CCDC91: variants seen among roughly 807,000 people sequenced by gnomAD.
CCDC91 encodes the protein coiled-coil domain containing 91, also known as coiled-coil domain-containing protein 91.
In CCDC91, 48 loss-of-function variants were observed where a neutral mutation model predicts 63.2. The observed-to-expected ratio is 0.76, with a 90% CI of 0.60 to 0.97. The LOEUF is 0.97. Ranked by LOEUF, CCDC91 falls within the 50% of genes least tolerant of loss-of-function variation. CCDC91 has a pLI of 0.00. For missense variants in CCDC91, 500 were observed against 494.6 expected (o/e 1.01, Z -0.10); for synonymous variants, 167 against 165.8 (o/e 1.01, Z -0.06).
At chr12:28,360,562 A>G (rs766798169) in intron 6 of CCDC91, among the ~76,000 whole-genome samples, 5 of 152,230 alleles carry the variant, frequency 3.3e-5, no homozygotes, top group African/African-American at 4.8e-5. Flanking sequence ...GTTCATCACT[A>G]CAACCAACCT....
chr12:28,406,293 AT>A (rs1164904213), intron 8 of CCDC91, among the ~76,000 whole-genome samples: 2 of 151,216 alleles, frequency 1.3e-5, no homozygotes, highest in South Asian at 2.1e-4. Flanking sequence ...AAAAAAAAAA[AT>A]CCCTCAATTT....
intron 12 of CCDC91, among the ~76,000 whole-genome samples, chr12:28,516,495 C>T (rs1466747803): frequency 1.3e-5 from 2 of 151,724 alleles, no homozygotes; most frequent in South Asian, 2.1e-4. Context: ...CCCAGCTACT[C>T]GATAGGCTGA....
intron 12 of CCDC91, among the ~76,000 whole-genome samples, chr12:28,520,926 T>A (rs1317850970): frequency 6.6e-6 from 1 of 152,164 alleles, no homozygotes; most frequent in African/African-American, 2.4e-5. Context: ...GTTGCATTGG[T>A]CTATATCTCT....
intron 10 of CCDC91, 152 bp from the exon 11 acceptor site, chr12:28,452,326 T>C (rs1224661582): frequency 4.8e-6 from 2 of 420,330 alleles, no homozygotes; most frequent in Admixed American, 8.6e-5. Context: ...GATTTTATTT[T>C]GTAGCAGTTA....
intron 11 of CCDC91, among the ~76,000 whole-genome samples, chr12:28,475,021 A>G (rs1265706719): frequency 6.6e-6 from 1 of 152,100 alleles, no homozygotes; most frequent in Non-Finnish European, 1.5e-5. Context: ...CATTATTGAT[A>G]ATATTCTACT....
intron 11 of CCDC91, among the ~76,000 whole-genome samples, chr12:28,455,947 A>C (rs1255031976): frequency 6.6e-6 from 1 of 152,094 alleles, no homozygotes; most frequent in Non-Finnish European, 1.5e-5. Context: ...TTTTTAGAGG[A>C]GTCAACAGTC....
At chr12:28,502,048 T>C (rs1428119183) in intron 12 of CCDC91, among the ~76,000 whole-genome samples, 1 of 152,018 alleles carries the variant, frequency 6.6e-6, no homozygotes, top group Admixed American at 6.6e-5. Context: ...GGATTGGTGG[T>C]GATATCCCCT....
intron 6 of CCDC91, among the ~76,000 whole-genome samples, chr12:28,311,556 G>A (rs1353003001): frequency 2.6e-5 from 4 of 151,950 alleles, no homozygotes; most frequent in Non-Finnish European, 4.4e-5. Context: ...GGCGAAACTT[G>A]GAAATAAGGA....
At chr12:28,259,292 G>A (rs755331491) in intron 2 of CCDC91, 72 bp from the exon 3 acceptor site, 34 of 1,090,448 alleles carry the variant, frequency 3.1e-5, no homozygotes, top group Non-Finnish European at 4.4e-5. Context: ...CTATTGAACT[G>A]GAATGCTTGA....
intron 6 of CCDC91, among the ~76,000 whole-genome samples, chr12:28,322,851 G>T (rs1565795482): frequency 6.6e-6 from 1 of 151,356 alleles, no homozygotes; most frequent in African/African-American, 2.4e-5. Flanking sequence ...CTTGCCTACT[G>T]GGTATTGCCA....
At chr12:28,234,256 G>C (rs549682984) in intron 1 of CCDC91, among the ~76,000 whole-genome samples, 60 of 152,122 alleles carry the variant, frequency 3.9e-4, no homozygotes, top group African/African-American at 1.4e-3. Context: ...TATGAACACA[G>C]GTCTCCTTAT....
intron 3 of CCDC91, among the ~76,000 whole-genome samples, chr12:28,272,585 C>T (rs184718875): frequency 3.9e-5 from 6 of 151,972 alleles, no homozygotes; most frequent in Non-Finnish European, 5.9e-5. Context: ...TTTATAATTT[C>T]AATTTTCTTT....
At chr12:28,404,021 G>C (rs1946785752) in intron 8 of CCDC91, among the ~76,000 whole-genome samples, 1 of 151,576 alleles carries the variant, frequency 6.6e-6, no homozygotes, top group South Asian at 2.1e-4. Flanking sequence ...TAATTTCATT[G>C]ATTTCTGCTT....
In CCDC91 at chr12:28,264,744, G is replaced by GTATTT. The variant is rs202005418; in HGVS notation, c.109+5314_109+5318dup. On this transcript the variant is annotated intron_variant, in intron 3 of 12. Transcript: ENST00000536442. ...TAGTCTTAGTTTGGTATTACTACAT[G>GTATTT]TATTTTATTTTATTTTCTCATTGTA... 4.6e-3 allele frequency among the ~76,000 whole-genome samples: 692 copies of GTATTT among 151,822 alleles called. 8 individuals carry two copies. Among genetic ancestry groups the GTATTT allele is most frequent in the African/African-American group, 0.014 (583 of 41,424 alleles).
chr12:28,297,613 C>A (rs1176297569), intron 3 of CCDC91, among the ~76,000 whole-genome samples: 1 of 151,752 alleles, frequency 6.6e-6, no homozygotes, highest in East Asian at 1.9e-4. Flanking sequence ...AAACAACATA[C>A]CAAAAGAAAC....
intron 12 of CCDC91, among the ~76,000 whole-genome samples, chr12:28,541,594 T>G (rs1482018908): frequency 4.6e-5 from 7 of 152,118 alleles, no homozygotes; most frequent in African/African-American, 1.7e-4. Context: ...GCAGAAGTTG[T>G]GTTTGTTACT....
chr12:28,377,824 C>G (rs1435030293), intron 7 of CCDC91, among the ~76,000 whole-genome samples: 2 of 151,902 alleles, frequency 1.3e-5, no homozygotes, highest in African/African-American at 2.4e-5. Flanking sequence ...GTTTCTGATG[C>G]TTGACTAAGT....
At chr12:28,504,173 A>C (rs1306129905) in intron 12 of CCDC91, among the ~76,000 whole-genome samples, 1 of 151,936 alleles carries the variant, frequency 6.6e-6, no homozygotes, top group African/African-American at 2.4e-5. Context: ...TTGTAATTAC[A>C]GTTTAAATGG....
At chr12:28,303,592 A>G (rs1938322598) in intron 3 of CCDC91, among the ~76,000 whole-genome samples, 1 of 152,122 alleles carries the variant, frequency 6.6e-6, no homozygotes, top group Non-Finnish European at 1.5e-5. Flanking sequence ...AGTTTCTTGA[A>G]TACAGGATCA....
Sources: gnomAD v4.1 joint callset for allele counts (sites outside exome capture counted in the v4.1 genomes callset) on GRCh38, gnomAD v4.1.1 for gene constraint, MANE v1.5 for transcripts, NCBI Gene and HGNC (gene_info 2026-07-23, HGNC 2026-07-21) for gene names.